TENM3: variants seen among roughly 807,000 people sequenced by gnomAD.
TENM3 encodes the protein teneurin transmembrane protein 3, also known as teneurin-3.
Under a neutral mutation model 255.1 loss-of-function variants are expected in TENM3, and 63 were observed. That is an observed-to-expected ratio of 0.25 (90% CI 0.20 to 0.30). TENM3 has a LOEUF of 0.30. Ranked by LOEUF, TENM3 falls within the 10% of genes least tolerant of loss-of-function variation. The pLI is 1.00. For synonymous variants in TENM3, 1,306 were observed against 1,322.3 expected (o/e 0.99, Z 0.27); for missense variants, 2,929 against 3,461.1 (o/e 0.85, Z 3.86).
rs551634564 is a variant in TENM3, at chr4:182,260,410, C to A, written c.-76+16934C>A. Among the ~76,000 whole-genome samples the A allele has an allele frequency of 8.7e-4, 133 of 152,216 alleles. 2 individuals carry two copies. Among genetic ancestry groups the A allele is most frequent in the Non-Finnish European group, 3.8e-4 (26 of 68,012 alleles). On this transcript the variant is annotated intron_variant, in intron 1 of 27. Transcript: ENST00000511685. ...CATTTTTAAGTGTTCCTTTTTCCTA[C>A]TGTGTTAACTAGTAATATGAAAAAG...
chr4:181,932,760 A>G, the TENM3 span, among the ~76,000 whole-genome samples: 1 of 152,242 alleles, frequency 6.6e-6, no homozygotes. Flanking sequence ...ACTTGGAACC[A>G]ACCCAAATGC....
In TENM3 at chr4:182,777,554, T is replaced by TC. The variant is rs1265140147; in HGVS notation, c.5304+2401_5304+2402insC. 3.5e-4 allele frequency among the ~76,000 whole-genome samples: 41 copies of TC among 117,064 alleles called. 1 individual carries two copies. Among genetic ancestry groups the TC allele is most frequent in the Non-Finnish European group, 5.4e-4 (31 of 57,406 alleles). 76.8% of individuals were successfully genotyped at this position (117,064 alleles called of 152,430 possible). ...GTGTGTGTGTGTGTATTTCTTTTTTTTTTTTTTTTTTTTTTTTTTTTGAGA... is the reference window on the plus strand; with the variant it reads ...GTGTGTGTGTGTGTATTTCTTTTTTTCTTTTTTTTTTTTTTTTTTTTTGAGA... On this transcript the variant is annotated intron_variant, in intron 24 of 27. Coordinates refer to ENST00000511685, the MANE Select transcript of TENM3 (RefSeq NM_001080477.4).
intron 1 of TENM3, among the ~76,000 whole-genome samples, chr4:182,167,348 A>G (rs1184530032): frequency 6.6e-6 from 1 of 152,236 alleles, no homozygotes; most frequent in East Asian, 1.9e-4. Flanking sequence ...TAAATTTTAC[A>G]TAATTAGTAG....
At chr4:182,137,333 TCC>T in the TENM3 span, among the ~76,000 whole-genome samples, 3 of 100,514 alleles carry the variant, frequency 3.0e-5, no homozygotes, top group Admixed American at 8.9e-5. Flanking sequence ...CTCTGCCACC[TCC>T]CCCCCCCCAA....
At chr4:182,776,373 C>G (rs1764693334) in intron 24 of TENM3, among the ~76,000 whole-genome samples, 1 of 152,150 alleles carries the variant, frequency 6.6e-6, no homozygotes, top group African/African-American at 2.4e-5. Context: ...GATCGCGCCA[C>G]TACACTCCAG....
intron 3 of TENM3, among the ~76,000 whole-genome samples, chr4:182,375,578 G>C (rs1300506505): frequency 6.6e-6 from 1 of 152,130 alleles, no homozygotes; most frequent in Non-Finnish European, 1.5e-5. Flanking sequence ...GTCTTACTCT[G>C]TTGCTCAGGC....
intron 12 of TENM3, among the ~76,000 whole-genome samples, chr4:182,711,165 C>A (rs1236974738): frequency 2.0e-5 from 3 of 152,082 alleles, no homozygotes; most frequent in Non-Finnish European, 2.9e-5. Flanking sequence ...ATTTCTTTTT[C>A]TTCTTTTTGC....
intron 3 of TENM3, among the ~76,000 whole-genome samples, chr4:182,522,855 T>G (rs77031001): frequency 0.052 from 7,929 of 152,216 alleles, 280 homozygotes; most frequent in East Asian, 0.11. Flanking sequence ...CTATTTTTAG[T>G]TTTTTGAGGA....
intron 12 of TENM3, among the ~76,000 whole-genome samples, chr4:182,712,602 G>A (rs1231228322): frequency 6.6e-6 from 1 of 152,184 alleles, no homozygotes; most frequent in Non-Finnish European, 1.5e-5. Context: ...ATGAGAGACA[G>A]TCGAAATAGT....
chr4:182,563,653 T>C (rs891581775), intron 3 of TENM3, among the ~76,000 whole-genome samples: 1 of 152,226 alleles, frequency 6.6e-6, no homozygotes, highest in Non-Finnish European at 1.5e-5. Flanking sequence ...TATTAACTTG[T>C]ATTTTAACAG....
chr4:181,561,909 G>T, the TENM3 span, among the ~76,000 whole-genome samples: 1 of 152,150 alleles, frequency 6.6e-6, no homozygotes, highest in Non-Finnish European at 1.5e-5. Context: ...CCTCCAACTC[G>T]CAGGATGGGA....
the TENM3 span, among the ~76,000 whole-genome samples, chr4:181,534,375 A>G: frequency 3.3e-5 from 5 of 152,192 alleles, no homozygotes; most frequent in African/African-American, 1.2e-4. Flanking sequence ...TTCTAAGCAC[A>G]GTGATGAAGG....
chr4:181,851,908 T>C, the TENM3 span, among the ~76,000 whole-genome samples: 1 of 152,146 alleles, frequency 6.6e-6, no homozygotes, highest in Non-Finnish European at 1.5e-5. Context: ...AAATATCTTC[T>C]ACATGCCCAA....
At chr4:182,024,317 C>T in the TENM3 span, among the ~76,000 whole-genome samples, 1 of 152,080 alleles carries the variant, frequency 6.6e-6, no homozygotes. Flanking sequence ...TTAATGATGA[C>T]AGTCAAGAGG....
intron 3 of TENM3, among the ~76,000 whole-genome samples, chr4:182,411,855 A>T (rs886082394): frequency 1.3e-5 from 2 of 152,214 alleles, no homozygotes; most frequent in African/African-American, 2.4e-5. Context: ...TACCAGTCAC[A>T]TAGATAAAAT....
At chr4:182,283,329 A>G (rs1222730611) in intron 1 of TENM3, among the ~76,000 whole-genome samples, 1 of 152,176 alleles carries the variant, frequency 6.6e-6, no homozygotes, top group Non-Finnish European at 1.5e-5. Context: ...GTTTACCCAG[A>G]TCATATGTCC....
At chr4:182,442,397 T>C (rs1282702366) in intron 3 of TENM3, among the ~76,000 whole-genome samples, 1 of 152,232 alleles carries the variant, frequency 6.6e-6, no homozygotes, top group Non-Finnish European at 1.5e-5. Context: ...ATTTCTATGT[T>C]CTGTCCACTG....
chr4:182,676,635 A>G (rs7665739), intron 7 of TENM3, among the ~76,000 whole-genome samples: 50,513 of 151,852 alleles, frequency 0.33, 8,642 homozygotes, highest in African/African-American at 0.38. Flanking sequence ...TCAGAAGTGA[A>G]CTACCAAGAT....
chr4:182,793,313 C>T lies in TENM3; in HGVS notation c.6641C>T (p.Thr2214Ile), dbSNP rs1213851206. Residue 2214 changes from threonine to isoleucine, a missense_variant, in exon 26 of 28, where the codon ACT becomes ATT. Coordinates refer to ENST00000511685, the MANE Select transcript of TENM3 (RefSeq NM_001080477.4). This position sits in a 1 kb window ranked among gnomAD's most constrained non-coding sequence, Gnocchi z 5.7. Reference sequence around the variant, plus strand: ...GAATATAGCTCCAAGGGGCTTCTAACTCGAGTTTACAGTAAAGGCAGTGGC... The same window carrying T: ...GAATATAGCTCCAAGGGGCTTCTAATTCGAGTTTACAGTAAAGGCAGTGGC... ...IFEYSSKGLL[T>I]RVYSKGSGWT... is the part of the protein sequence containing the mutation. 1 of 1,613,834 alleles carries T rather than the reference C, an allele frequency of 6.2e-7. No individual in the cohort carries two copies. Among genetic ancestry groups the T allele is most frequent in the Admixed American group, 1.7e-5 (1 of 60,004 alleles).
Sources: allele counts gnomAD v4.1 joint callset (sites outside exome capture counted in the v4.1 genomes callset), GRCh38; gene constraint gnomAD v4.1.1; non-coding constraint Gnocchi (gnomAD v3.1); transcripts MANE v1.5; gene names NCBI Gene and HGNC (gene_info 2026-07-23, HGNC 2026-07-21).